Variants in GRIN3A observed in about 807,000 individuals in gnomAD.
GRIN3A encodes glutamate ionotropic receptor NMDA type subunit 3A.
GRIN3A carries 47 observed loss-of-function variants against 92.4 expected under a neutral mutation model. That is an observed-to-expected ratio of 0.51 (90% CI 0.40 to 0.65). The LOEUF is 0.65. GRIN3A is among the 30% of genes least tolerant of loss of function. The pLI is 0.00. For missense variants in GRIN3A, 1,324 were observed against 1,393.1 expected (o/e 0.95, Z 0.79); for synonymous variants, 527 against 540.6 (o/e 0.97, Z 0.35).
At chr9:101,724,192 C>G (rs551973001) in intron 1 of GRIN3A, among the ~76,000 whole-genome samples, 3 of 152,052 alleles carry the variant, frequency 2.0e-5, no homozygotes, top group Non-Finnish European at 4.4e-5. Flanking sequence ...AGGCTCGGGC[C>G]GCACAGGAGC....
At chr9:101,647,543 A>AT (rs909720424) in intron 3 of GRIN3A, among the ~76,000 whole-genome samples, 6 of 151,912 alleles carry the variant, frequency 3.9e-5, no homozygotes, top group African/African-American at 1.4e-4. Flanking sequence ...CTTCTCTTCA[A>AT]TTTTTTCAAA....
intron 6 of GRIN3A, among the ~76,000 whole-genome samples, chr9:101,609,615 G>A (rs1828332725): frequency 6.6e-6 from 1 of 152,200 alleles, no homozygotes; most frequent in Admixed American, 6.5e-5. Context: ...CTCCAATAGT[G>A]TGTTCGCTTC....
At chr9:101,606,858 T>C (rs1438096320) in intron 6 of GRIN3A, among the ~76,000 whole-genome samples, 1 of 151,410 alleles carries the variant, frequency 6.6e-6, no homozygotes, top group East Asian at 1.9e-4. Flanking sequence ...GTCACAAAAC[T>C]CTTGCTCTGG....
At chr9:101,637,973 A>G (rs183053000) in intron 3 of GRIN3A, among the ~76,000 whole-genome samples, 310 of 147,508 alleles carry the variant, frequency 2.1e-3, no homozygotes, top group African/African-American at 7.4e-3. Context: ...TGGCTAATAA[A>G]AATAATTGCT....
intron 3 of GRIN3A, among the ~76,000 whole-genome samples, chr9:101,653,292 T>A (rs1472412901): frequency 2.0e-5 from 3 of 151,518 alleles, no homozygotes; most frequent in African/African-American, 7.3e-5. Context: ...ATTTTCATAA[T>A]ATCATTGTAA....
At chr9:101,675,800 T>C (rs535047274) in intron 2 of GRIN3A, among the ~76,000 whole-genome samples, 1 of 152,138 alleles carries the variant, frequency 6.6e-6, no homozygotes, top group African/African-American at 2.4e-5. Flanking sequence ...TTCTATGTGC[T>C]AATCAAAATG....
chr9:101,614,120 A>C (rs1461469155), intron 5 of GRIN3A, among the ~76,000 whole-genome samples: 1 of 152,238 alleles, frequency 6.6e-6, no homozygotes, highest in Non-Finnish European at 1.5e-5. Flanking sequence ...GTTAAAGAAG[A>C]TGAGGATCAA....
At chr9:101,598,176 T>A (rs758464574) in intron 6 of GRIN3A, among the ~76,000 whole-genome samples, 3 of 152,228 alleles carry the variant, frequency 2.0e-5, no homozygotes, top group Non-Finnish European at 4.4e-5. Flanking sequence ...TCCAAAGTGT[T>A]ACCGTTTCAA....
intron 3 of GRIN3A, among the ~76,000 whole-genome samples, chr9:101,657,225 CT>C (rs1829101497): frequency 6.6e-6 from 1 of 151,858 alleles, no homozygotes; most frequent in Admixed American, 6.6e-5. Context: ...GTGAGCAACC[CT>C]GTTTCATGAG....
intron 2 of GRIN3A, among the ~76,000 whole-genome samples, chr9:101,677,341 T>C (rs1829411309): frequency 6.6e-6 from 1 of 152,172 alleles, no homozygotes; most frequent in Middle Eastern, 3.4e-3. Context: ...GTTTCTTTAA[T>C]ACTCTTTATT....
chr9:101,628,181 CAT>C (rs1163357692), intron 4 of GRIN3A, 73 bp downstream of exon 4: 1 of 1,464,688 alleles, frequency 6.8e-7, no homozygotes, highest in African/African-American at 1.4e-5. Flanking sequence ...CAGAAACTAA[CAT>C]ATACTGCGTC....
intron 6 of GRIN3A, chr9:101,592,703 T>G (rs564274433): frequency 6.6e-6 from 1 of 152,206 alleles, no homozygotes; most frequent in South Asian, 2.1e-4. Context: ...CAAAAGTATA[T>G]GGTAGGGTAC....
intron 2 of GRIN3A, 32 bp from the exon 3 acceptor site, chr9:101,671,139 A>T (rs1564140863): frequency 6.8e-7 from 1 of 1,465,990 alleles, no homozygotes; most frequent in East Asian, 2.3e-5. Context: ...AAAAAGTAAG[A>T]AAAGCAGTGA....
intron 6 of GRIN3A, among the ~76,000 whole-genome samples, chr9:101,587,976 G>T (rs1014256049): frequency 6.6e-6 from 1 of 152,080 alleles, no homozygotes; most frequent in Non-Finnish European, 1.5e-5. Context: ...AGAATAGTTA[G>T]TTGCTCAAAA....
chr9:101,628,125 G>A (rs1305994924), intron 4 of GRIN3A, 131 bp downstream of exon 4: 4 of 810,266 alleles, frequency 4.9e-6, no homozygotes, highest in Non-Finnish European at 8.1e-6. Flanking sequence ...CTCACACAGT[G>A]TAAAGTATTA....
chr9:101,594,949 C>T (rs1488289297), intron 6 of GRIN3A: 5 of 1,586,652 alleles, frequency 3.2e-6, no homozygotes, highest in Non-Finnish European at 3.4e-6. Flanking sequence ...GGCCACGGCT[C>T]AAAGGGTCGG....
At chr9:101,719,418 T>TAAAAAAAAAA (rs34048066) in intron 1 of GRIN3A, among the ~76,000 whole-genome samples, 1 of 139,980 alleles carries the variant, frequency 7.1e-6, no homozygotes. Context: ...GACTCCATCT[T>TAAAAAAAAAA]AAAAAAAAAA....
At chr9:101,631,771 G>C (rs778744204) in intron 3 of GRIN3A, among the ~76,000 whole-genome samples, 1 of 152,214 alleles carries the variant, frequency 6.6e-6, no homozygotes, top group Non-Finnish European at 1.5e-5. Context: ...GACTCCAGGA[G>C]AGAAAGCATC....
chr9:101,710,348 T>C, intron 1 of GRIN3A, among the ~76,000 whole-genome samples: 1 of 152,186 alleles, frequency 6.6e-6, no homozygotes, highest in East Asian at 1.9e-4. Flanking sequence ...ACACACAAAT[T>C]AACATAAAAA....
Sources: allele counts gnomAD v4.1 joint callset (sites outside exome capture counted in the v4.1 genomes callset), GRCh38; gene constraint gnomAD v4.1.1; transcripts MANE v1.5; gene names NCBI Gene and HGNC (gene_info 2026-07-23, HGNC 2026-07-21).